Variants in HAPLN1 observed in about 807,000 individuals in gnomAD.
The protein encoded by HAPLN1 is hyaluronan and proteoglycan link protein 1, also known as Cartilage link protein.
A neutral mutation model predicts 36.5 loss-of-function variants in HAPLN1; 13 were observed. The ratio of observed to expected loss-of-function variants is 0.36; its 90% confidence interval spans 0.23 to 0.57. HAPLN1 has a LOEUF of 0.57. Among genes scored for constraint, HAPLN1 ranks in the 20% least tolerant of loss-of-function variants. HAPLN1 has a pLI of 0.83. For missense variants in HAPLN1, 407 were observed against 439.7 expected (o/e 0.93, Z 0.66); for synonymous variants, 202 against 169.8 (o/e 1.19, Z -1.48).
At chr5:83,673,879 A>C (rs149248159) in intron 1 of HAPLN1, 1 of 221,550 alleles carries the variant, frequency 4.5e-6, no homozygotes, top group African/African-American at 2.4e-5. Flanking sequence ...TCTTAAAAAA[A>C]TGTAAGCCTC....
intron 3 of HAPLN1, among the ~76,000 whole-genome samples, chr5:83,650,314 A>G (rs1750018458): frequency 6.6e-6 from 1 of 152,236 alleles, no homozygotes; most frequent in Non-Finnish European, 1.5e-5. Flanking sequence ...ACTGAACATG[A>G]ACAAAATAAA....
chr5:83,688,218 C>T (rs2112616546), intron 1 of HAPLN1, among the ~76,000 whole-genome samples: 1 of 152,266 alleles, frequency 6.6e-6, no homozygotes, highest in South Asian at 2.1e-4. Context: ...ATGCCTTTGA[C>T]TTAAAGGTTT....
chr5:83,649,598 A>G (rs2112562445), intron 3 of HAPLN1, among the ~76,000 whole-genome samples: 1 of 152,090 alleles, frequency 6.6e-6, no homozygotes, highest in African/African-American at 2.4e-5. Context: ...ACAGGCACGT[A>G]CCACCATGCC....
intron 2 of HAPLN1, among the ~76,000 whole-genome samples, chr5:83,653,871 T>A (rs59128731): frequency 0.026 from 3,972 of 152,356 alleles, 183 homozygotes; most frequent in African/African-American, 0.089. Context: ...CTCTTGAGGA[T>A]GTGCAAGATA....
Position 83,646,396 on chromosome 5 carries a change from T to C in HAPLN1, c.473-1731A>G, listed in dbSNP as rs563388529. Among the ~76,000 whole-genome samples, 6 of 152,352 alleles carry C rather than the reference T, an allele frequency of 3.9e-5. No individual in the cohort carries two copies. In the South Asian group the frequency reaches 1.2e-3, roughly 32 times the overall value. The stretch of plus-strand genomic sequence containing the variant: ...AGACTGCAGACGCTATTCAAGATGA[T>C]GTACAAACTCACTAATAGCATAACC... On this transcript the variant is annotated intron_variant, in intron 3 of 4. Coordinates refer to ENST00000274341, the MANE Select transcript of HAPLN1 (RefSeq NM_001884.4).
intron 1 of HAPLN1, among the ~76,000 whole-genome samples, chr5:83,689,114 A>G (rs1751210910): frequency 1.3e-5 from 2 of 152,172 alleles, no homozygotes; most frequent in Non-Finnish European, 2.9e-5. Flanking sequence ...TACTCAGTCC[A>G]TTGACCAATC....
At chr5:83,678,021 G>A (rs1164039651) in intron 1 of HAPLN1, among the ~76,000 whole-genome samples, 1 of 152,054 alleles carries the variant, frequency 6.6e-6, no homozygotes, top group Non-Finnish European at 1.5e-5. Flanking sequence ...TCAGTATTTA[G>A]CAGTCTCCTT....
At chr5:83,644,094 C>T (rs1749782170) in intron 4 of HAPLN1, among the ~76,000 whole-genome samples, 1 of 152,138 alleles carries the variant, frequency 6.6e-6, no homozygotes, top group African/African-American at 2.4e-5. Context: ...TAACAGACCT[C>T]AAGCCACATA....
chr5:83,715,483 C>T (rs905607188), intron 1 of HAPLN1, among the ~76,000 whole-genome samples: 1 of 152,168 alleles, frequency 6.6e-6, no homozygotes. Flanking sequence ...ATTCATGATG[C>T]GTATCCATCT....
Position 83,640,501 on chromosome 5 carries a change from T to G in HAPLN1, c.*995A>C, listed in dbSNP as rs971033055. On this transcript the variant is annotated 3_prime_UTR_variant, in exon 5 of 5. Coordinates refer to ENST00000274341, the MANE Select transcript of HAPLN1 (RefSeq NM_001884.4). ...ATTTTGAAAGTTGCATCTTTGTTTC[T>G]GCATTAGGGATTCCTTTTATAATGT... is the stretch of plus-strand genomic sequence containing the variant. 1 of 152,218 alleles carries G rather than the reference T, an allele frequency of 6.6e-6. No individual in the cohort carries two copies. The highest frequency in any genetic ancestry group is 1.5e-5 in the Non-Finnish European group (1 of 68,016). The allele number at this position is 152,218 out of a possible 1,614,324, so 9.4% of individuals were successfully genotyped here.
rs1751167736 is a variant in HAPLN1, at chr5:83,687,788, AG to A, written c.-26-14240del. On this transcript the variant is annotated intron_variant, in intron 1 of 4. Transcript: ENST00000274341. ...TTGGGGGGAAAATGAGAGTATCAGA[AG>A]GATGGAATATCCCATTGTTTTTGCT... is the stretch of plus-strand genomic sequence containing the variant. Among the ~76,000 whole-genome samples the A allele has an allele frequency of 2.0e-5, 3 of 152,336 alleles. No individual in the cohort carries two copies. The South Asian group carries it at 6.2e-4, about 32-fold the overall frequency.
intron 1 of HAPLN1, among the ~76,000 whole-genome samples, chr5:83,694,103 C>T (rs1255217895): frequency 6.6e-6 from 1 of 151,720 alleles, no homozygotes; most frequent in African/African-American, 2.4e-5. Context: ...AATATATTCC[C>T]TAAGTATAGA....
In HAPLN1 at chr5:83,639,627, C is replaced by T. The variant is rs181814510; in HGVS notation, c.*1869G>A. On this transcript the variant is annotated 3_prime_UTR_variant, in exon 5 of 5. Transcript: ENST00000274341. ...CTCTTTAAATAATATATCATCTCAT[C>T]CTAGACCATTTAGGTATCTTCCTTA... 2.0e-5 allele frequency: 3 copies of T among 152,096 alleles called. No individual in the cohort carries two copies. In the East Asian group the frequency reaches 5.8e-4, roughly 29 times the overall value. 9.4% of individuals were successfully genotyped at this position (152,096 alleles called of 1,614,324 possible).
At chr5:83,644,326 T>C (rs1289350540) in intron 4 of HAPLN1, 37 bp downstream of exon 4, 1 of 1,423,166 alleles carries the variant, frequency 7.0e-7, no homozygotes, top group Non-Finnish European at 9.4e-7. Flanking sequence ...GAATAGTCTG[T>C]GAGATAGGAA....
chr5:83,701,957 C>CAA (rs773289499), intron 1 of HAPLN1, among the ~76,000 whole-genome samples: 1 of 145,664 alleles, frequency 6.9e-6, no homozygotes, highest in East Asian at 2.1e-4. Flanking sequence ...CACACACACA[C>CAA]AAAATCTATA....
chr5:83,680,185 G>A (rs1750965243), intron 1 of HAPLN1, among the ~76,000 whole-genome samples: 1 of 152,110 alleles, frequency 6.6e-6, no homozygotes, highest in Non-Finnish European at 1.5e-5. Flanking sequence ...TTTAGGTAAT[G>A]CTTGAGATGG....
intron 3 of HAPLN1, among the ~76,000 whole-genome samples, chr5:83,649,810 T>C (rs951941375): frequency 6.6e-6 from 1 of 152,358 alleles, no homozygotes; most frequent in Admixed American, 6.5e-5. Context: ...TTTTTGTATT[T>C]GAAAGTTTAA....
chr5:83,662,326 TATC>T (rs1750429049), intron 2 of HAPLN1, among the ~76,000 whole-genome samples: 1 of 152,274 alleles, frequency 6.6e-6, no homozygotes, highest in South Asian at 2.1e-4. Context: ...TTACTGTTGT[TATC>T]ATTGTTAATT....
chr5:83,700,229 C>A (rs189805499), intron 1 of HAPLN1, among the ~76,000 whole-genome samples: 4 of 151,300 alleles, frequency 2.6e-5, no homozygotes, highest in African/African-American at 9.7e-5. Flanking sequence ...CCACCACCAC[C>A]ACCACAACAA....
Sources: gnomAD v4.1 joint callset for allele counts (sites outside exome capture counted in the v4.1 genomes callset) on GRCh38, gnomAD v4.1.1 for gene constraint, MANE v1.5 for transcripts, NCBI Gene and HGNC (gene_info 2026-07-23, HGNC 2026-07-21) for gene names.